LYSMD4: variants seen among roughly 807,000 people sequenced by gnomAD.
LYSMD4 encodes LysM domain containing 4.
LYSMD4 carries 9 observed loss-of-function variants against 6.1 expected under a neutral mutation model. The ratio of observed to expected loss-of-function variants is 1.47; its 90% CI spans 0.88 to 2.56. LYSMD4 has a LOEUF of 2.56. Ranked by LOEUF, LYSMD4 falls within the 30% of genes most tolerant of loss-of-function variation. The pLI, the probability that LYSMD4 is intolerant of heterozygous loss-of-function variation, is 0.00. For synonymous variants in LYSMD4, 143 were observed against 148.5 expected (o/e 0.96, Z 0.27); for missense variants, 384 against 373.5 (o/e 1.03, Z -0.23).
At chr15:99,723,226 T>C (rs915646168), downstream of LYSMD4, among the ~76,000 whole-genome samples, 1 of 152,058 alleles carries the variant, frequency 6.6e-6, no homozygotes, top group African/African-American at 2.4e-5. Context: ...ATGGCTAAAA[T>C]TTGTCCAAAT....
chr15:99,731,190 C>T (rs1229594982), intron 2 of LYSMD4: 1 of 1,612,788 alleles, frequency 6.2e-7, no homozygotes, highest in East Asian at 2.2e-5. Flanking sequence ...TTGTTAATCA[C>T]TCTGAATGCT....
At position 99,729,317 on chromosome 15, in the gene LYSMD4, G is replaced by A; in HGVS notation, c.697C>T (p.Pro233Ser). The part of the protein sequence containing the change: ...FIMLLIGIVL[P>S]VFYLVYFKIQ... Reference sequence around the variant, plus strand: ...TTAAAGTAGACCAAATAAAAGACAGGCAAGACAATACCAATCAGCAGCATG... The same window carrying A: ...TTAAAGTAGACCAAATAAAAGACAGACAAGACAATACCAATCAGCAGCATG... The change falls in exon 3 of 3, where the codon CCT becomes TCT. Residue 233 changes from proline (P) to serine (S), a missense_variant. Pro to Ser is a moderately conservative substitution (Grantham distance 74, BLOSUM62 -1). Coordinates refer to ENST00000684762, the MANE Select transcript of LYSMD4 (RefSeq NM_001284417.2). 6.2e-7 allele frequency: 1 copy of A among 1,614,154 alleles called. No individual in the cohort carries two copies. Among genetic ancestry groups the A allele is most frequent in the Non-Finnish European group, 8.5e-7 (1 of 1,180,036 alleles).
rs1353066903 is a variant in LYSMD4 at position 99,729,584 on chromosome 15, T to C, written c.430A>G (p.Thr144Ala). 2 of 1,614,080 alleles carry C rather than the reference T, an allele frequency of 1.2e-6. No individual in the cohort carries two copies. ...GCCTCTGGCAGTTCCACGGTCACTG[T>C]GGTCTCGGAAGACGGGCTCAGAAGG... The part of the protein sequence containing the change: ...KPLLSPSSET[T>A]VTVELPEADR... The change falls in exon 3 of 3, where the codon ACA (threonine) becomes GCA (alanine). Residue 144 changes from threonine (T) to alanine (A), a missense_variant. Physicochemically the swap from Thr to Ala is moderately conservative, Grantham distance 58 (BLOSUM62 0). Transcript: ENST00000684762.
Position 99,728,844 on chromosome 15 carries a change from G to A in LYSMD4, c.*279C>T. On this transcript the variant is annotated 3_prime_UTR_variant, in exon 3 of 3. Transcript: ENST00000684762. ...CCAACTTGGGGGTCCTCACAGTGCT[G>A]CTATGAACTGGCCAGTCCACTAAAT... 1 of 469,180 alleles carries A rather than the reference G, an allele frequency of 2.1e-6. No homozygotes were observed. The highest frequency in any genetic ancestry group is 3.9e-6 in the Non-Finnish European group (1 of 255,550). The allele number at this position is 469,180 out of a possible 1,614,324, so 29.1% of individuals were successfully genotyped here. A position where few individuals can be genotyped will look rare whatever the true frequency, so the allele number is the denominator to read the frequency against.
In LYSMD4 at chr15:99,729,366, A is replaced by G; in HGVS notation, c.648T>C (p.Ile216=). The change falls in exon 3 of 3, where the codon ATT becomes ATC. Residue 216 remains isoleucine, a synonymous_variant. Transcript: ENST00000684762. ...TGATGAAAACAGCATTCCACCACTG[A>G]ATGCCACAATCTGCACCATCCATAG... ...KTPMDGADCG[I]QWWNAVFIML... is the part of the protein sequence containing the mutation. 1.9e-6 allele frequency: 3 copies of G among 1,614,272 alleles called. No homozygotes were observed. The highest frequency in any genetic ancestry group is 2.5e-6 in the Non-Finnish European group (3 of 1,180,052).
upstream of LYSMD4, among the ~76,000 whole-genome samples, chr15:99,718,923 A>G (rs903020100): frequency 5.7e-4 from 84 of 146,804 alleles, no homozygotes; most frequent in Middle Eastern, 3.5e-3. Flanking sequence ...ACACACACAC[A>G]CACACACACA....
Position 99,716,523 on chromosome 15 carries a change from A to T in LYSMD4, c.275T>A (p.Leu92His), listed in dbSNP as rs971461390. The change falls in exon 1 of 1, where the codon CTT becomes CAT. Residue 92 changes from leucine (L) to histidine (H), a missense_variant. Leu to His is a moderately conservative substitution (Grantham distance 99). Transcript: ENST00000378904. ...TCTGTCATGTTTGCCTGGGGACACA[A>T]GGCGCTGGCTTTGCCACCAGGCAGC... is the stretch of plus-strand genomic sequence containing the variant. 17 of 456,692 alleles carry T rather than the reference A, an allele frequency of 3.7e-5. No homozygotes were observed. The East Asian group carries it at 1.2e-3, about 32-fold the overall frequency. 28.3% of individuals were successfully genotyped at this position (456,692 alleles called of 1,614,324 possible). A position where few individuals can be genotyped will look rare whatever the true frequency, so the allele number is the denominator to read the frequency against.
chr15:99,715,908 A>T (rs546931305), exon 1 of LYSMD4: 1 of 152,468 alleles, frequency 6.6e-6, no homozygotes, highest in Non-Finnish European at 1.5e-5. Context: ...TTATAGACTA[A>T]ATCAGGGGTT....
At chr15:99,725,035 G>C (rs956017598), downstream of LYSMD4, among the ~76,000 whole-genome samples, 2 of 152,200 alleles carry the variant, frequency 1.3e-5, no homozygotes, top group African/African-American at 4.8e-5. Context: ...CCCCCGCCTG[G>C]CCTGAGACCA....
chr15:99,726,004 C>T (rs576724697), downstream of LYSMD4, among the ~76,000 whole-genome samples: 8 of 152,214 alleles, frequency 5.3e-5, no homozygotes, highest in African/African-American at 1.9e-4. Flanking sequence ...GCTCTTAGAG[C>T]ACTGTGGCAT....
upstream of LYSMD4, among the ~76,000 whole-genome samples, chr15:99,721,469 G>A (rs996610338): frequency 6.6e-6 from 1 of 152,216 alleles, no homozygotes; most frequent in African/African-American, 2.4e-5. Flanking sequence ...TTGACAGGGG[G>A]AATGCAGTCA....
At position 99,727,736 on chromosome 15, in the gene LYSMD4, G is replaced by T. The variant is rs1211854960; in HGVS notation, c.*1387C>A. On this transcript the variant is annotated 3_prime_UTR_variant, in exon 3 of 3. Transcript: ENST00000684762. ...GTTTTTTCACACAACTGAAAGGAGA[G>T]AAATCGGAAATCACTCTTACATGGT... 6.6e-6 allele frequency: 1 copy of T among 152,256 alleles called. No homozygotes were observed. Among genetic ancestry groups the T allele is most frequent in the East Asian group, 1.9e-4 (1 of 5,206 alleles). The allele number at this position is 152,256 out of a possible 1,614,324, so 9.4% of individuals were successfully genotyped here.
At chr15:99,733,170 C>T (rs1240604799) in intron 1 of LYSMD4, 175 bp downstream of exon 1, 2 of 373,636 alleles carry the variant, frequency 5.4e-6, no homozygotes, top group African/African-American at 4.2e-5. Flanking sequence ...CCCTAGCCAC[C>T]TGGGGCCAGC....
downstream of LYSMD4, among the ~76,000 whole-genome samples, chr15:99,723,888 C>T (rs147771777): frequency 9.7e-5 from 14 of 144,380 alleles, 1 homozygote; most frequent in South Asian, 8.3e-4. Context: ...TAGCTTCCCA[C>T]TGTCCATCAA....
downstream of LYSMD4, among the ~76,000 whole-genome samples, chr15:99,725,247 T>C (rs1451895060): frequency 3.3e-5 from 5 of 152,200 alleles, no homozygotes; most frequent in African/African-American, 1.2e-4. Context: ...TCCTTACTTC[T>C]AGCCCTCCTA....
chr15:99,733,068 A>C, intron 1 of LYSMD4: 1 of 334,646 alleles, frequency 3.0e-6, no homozygotes. Context: ...GCTGACAGGA[A>C]AATGGGGAGC....
upstream of LYSMD4, among the ~76,000 whole-genome samples, chr15:99,721,324 G>C (rs1369005861): frequency 6.6e-6 from 1 of 152,170 alleles, no homozygotes; most frequent in African/African-American, 2.4e-5. Flanking sequence ...AGGGAGGAGG[G>C]AGGAGCACTG....
exon 1 of LYSMD4, chr15:99,716,651 A>T (rs1026699782): frequency 2.2e-6 from 1 of 456,386 alleles, no homozygotes; most frequent in South Asian, 1.5e-5. Context: ...AAACCGTCCC[A>T]ACGCCCCCAC....
chr15:99,719,942 T>C (rs990205785), upstream of LYSMD4, among the ~76,000 whole-genome samples: 2 of 152,218 alleles, frequency 1.3e-5, no homozygotes, highest in Non-Finnish European at 2.9e-5. Flanking sequence ...GAGCATTTTT[T>C]TCATATGTTT....
Sources: allele counts gnomAD v4.1 joint callset (sites outside exome capture counted in the v4.1 genomes callset), GRCh38; gene constraint gnomAD v4.1.1; transcripts MANE v1.5; gene names NCBI Gene and HGNC (gene_info 2026-07-23, HGNC 2026-07-21).